Variants in ACSF3 observed in about 807,000 individuals in gnomAD.
The protein encoded by ACSF3 is acyl-CoA synthetase family member 3.
In ACSF3, 78 loss-of-function variants were observed where a neutral mutation model predicts 53.2. That is an observed-to-expected ratio of 1.47 (90% CI 1.22 to 1.77). The LOEUF (loss-of-function observed/expected upper bound fraction) is 1.77. ACSF3 is among the 40% of genes most tolerant of loss of function. ACSF3 has a pLI of 0.00. For synonymous variants in ACSF3, 414 were observed against 333.1 expected (o/e 1.24, Z -2.65); for missense variants, 937 against 771.1 (o/e 1.22, Z -2.55).
In ACSF3 at chr16:89,102,860, G is replaced by T; in HGVS notation, c.822+101G>T. On this transcript the variant is annotated intron_variant, in intron 4 of 10. Coordinates refer to ENST00000614302, the MANE Select transcript of ACSF3 (RefSeq NM_001243279.3). Reference sequence around the variant, plus strand: ...CGCGCCCTCAGCCTAAGCGCCTTTCGCTGGTTGGGGTCAGGGCTCTCGGCC... The same window carrying T: ...CGCGCCCTCAGCCTAAGCGCCTTTCTCTGGTTGGGGTCAGGGCTCTCGGCC... 2.0e-6 allele frequency: 3 copies of T among 1,516,662 alleles called. No homozygotes were observed. The Admixed American group carries it at 5.5e-5, about 28-fold the overall frequency. 94.0% of individuals were successfully genotyped at this position (1,516,662 alleles called of 1,614,324 possible).
chr16:89,103,185 G>A (rs1257488177), intron 4 of ACSF3, among the ~76,000 whole-genome samples: 2 of 152,260 alleles, frequency 1.3e-5, no homozygotes, highest in African/African-American at 2.4e-5. Flanking sequence ...CATTGAAACC[G>A]TGAATAGTGA....
chr16:89,102,865 T>C lies in ACSF3; in HGVS notation c.822+106T>C, dbSNP rs78898590. On this transcript the variant is annotated intron_variant, in intron 4 of 10. Coordinates refer to ENST00000614302, the MANE Select transcript of ACSF3 (RefSeq NM_001243279.3). ...CCTCAGCCTAAGCGCCTTTCGCTGG[T>C]TGGGGTCAGGGCTCTCGGCCGCGCC... 9,231 of 1,514,472 alleles carry C rather than the reference T, an allele frequency of 6.1e-3. 233 individuals are homozygous for C. Among genetic ancestry groups the C allele is most frequent in the East Asian group, 0.043 (1,863 of 43,284 alleles). 93.8% of individuals were successfully genotyped at this position (1,514,472 alleles called of 1,614,324 possible).
intron 5 of ACSF3, chr16:89,113,198 G>A (rs1904356981): frequency 6.6e-6 from 1 of 152,230 alleles, no homozygotes; most frequent in South Asian, 2.1e-4. Flanking sequence ...GTGGCGTGGA[G>A]GGTGCACTGC....
rs533576343 is a variant in ACSF3, at chr16:89,150,908, G to A, written c.1614-3182G>A. ...AGAAGAACAGGAAGGGAGGCAGGAG[G>A]AAGTAAGTTAGAGGATTAATCCAAA... On this transcript the variant is annotated intron_variant, in intron 10 of 10. Coordinates refer to ENST00000614302, the MANE Select transcript of ACSF3 (RefSeq NM_001243279.3). 3.8e-6 allele frequency: 4 copies of A among 1,052,062 alleles called. No individual in the cohort carries two copies. The South Asian group carries it at 6.1e-5, about 16-fold the overall frequency. The allele number at this position is 1,052,062 out of a possible 1,614,324, so 65.2% of individuals were successfully genotyped here. A position where few individuals can be genotyped will look rare whatever the true frequency, so the allele number is the denominator to read the frequency against.
rs777155632 is a variant in ACSF3 at position 89,101,107 on chromosome 16, G to C, written c.426G>C (p.Gln142His). 2 of 1,614,112 alleles carry C rather than the reference G, an allele frequency of 1.2e-6. No homozygotes were observed. The highest frequency in any genetic ancestry group is 1.7e-6 in the Non-Finnish European group (2 of 1,180,044). The change falls in exon 3 of 11, where the codon CAG becomes CAC. Residue 142 changes from glutamine to histidine, a missense_variant. Transcript: ENST00000614302. ...TGGAGTATGTCATCTGCGACTCCCAGAGCTCTGTGGTCCTTGCCAGCCAGG... is the reference window on the plus strand; with the variant it reads ...TGGAGTATGTCATCTGCGACTCCCACAGCTCTGTGGTCCTTGCCAGCCAGG... ...AQLEYVICDS[Q>H]SSVVLASQEY...
chr16:89,129,443 C>T (rs548779543), intron 7 of ACSF3, among the ~76,000 whole-genome samples: 29 of 152,184 alleles, frequency 1.9e-4, no homozygotes, highest in Middle Eastern at 3.4e-3. Context: ...TTTAATTTCT[C>T]GGTTGGAGTT....
intron 7 of ACSF3, among the ~76,000 whole-genome samples, chr16:89,128,321 C>T (rs1336398345): frequency 2.0e-5 from 3 of 151,392 alleles, no homozygotes; most frequent in Non-Finnish European, 4.4e-5. Context: ...AGTGCAATGG[C>T]ATGATCTTGG....
intron 7 of ACSF3, among the ~76,000 whole-genome samples, chr16:89,123,000 T>C (rs1907029460): frequency 1.3e-5 from 2 of 152,338 alleles, no homozygotes; most frequent in Middle Eastern, 3.4e-3. Context: ...GCGACAGGCA[T>C]GCAGGCAGAC....
intron 8 of ACSF3, 82 bp from the exon 9 acceptor site, chr16:89,145,185 G>A: frequency 6.2e-7 from 1 of 1,613,278 alleles, no homozygotes. Context: ...TTTAAGGACG[G>A]CCAGTTAACC....
chr16:89,131,283 A>C (rs1448524643), intron 7 of ACSF3, among the ~76,000 whole-genome samples: 1 of 148,628 alleles, frequency 6.7e-6, no homozygotes, highest in Non-Finnish European at 1.5e-5. Flanking sequence ...TGACCACCAC[A>C]CCTGGCTAGT....
chr16:89,098,388 G>A (rs1305682071), intron 1 of ACSF3, among the ~76,000 whole-genome samples: 1 of 152,204 alleles, frequency 6.6e-6, no homozygotes, highest in Admixed American at 6.5e-5. Flanking sequence ...CAGAGGGGGC[G>A]TGGTGTGTGG....
rs762126765 is a variant in ACSF3, at chr16:89,141,343, C to T, written c.1367-3924C>T. On this transcript the variant is annotated intron_variant, in intron 8 of 10. Transcript: ENST00000614302. ...GTCGACCCTCGGAGCTGAGACTGCTCTGTGCTGAGAAGCTAGAACAAAGCC... is the reference window on the plus strand; with the variant it reads ...GTCGACCCTCGGAGCTGAGACTGCTTTGTGCTGAGAAGCTAGAACAAAGCC... The T allele has an allele frequency of 5.8e-5, 73 of 1,262,846 alleles. No individual in the cohort carries two copies. The African/African-American group carries it at 1.0e-3, about 18-fold the overall frequency. The allele number at this position is 1,262,846 out of a possible 1,614,324, so 78.2% of individuals were successfully genotyped here. A position where few individuals can be genotyped will look rare whatever the true frequency, so the allele number is the denominator to read the frequency against.
At chr16:89,142,533 ACACACCCACACC>A (rs1567741166) in intron 8 of ACSF3, among the ~76,000 whole-genome samples, 94 of 81,738 alleles carry the variant, frequency 1.2e-3, no homozygotes, top group African/African-American at 5.3e-3. Context: ...ACACCTGCAG[ACACACCCACACC>A]TGCAGACACA....
At position 89,155,112 on chromosome 16, in the gene ACSF3, C is replaced by A. The variant is rs1164949415; in HGVS notation, c.*905C>A. 2.2e-6 allele frequency: 1 copy of A among 454,046 alleles called. No individual in the cohort carries two copies. Among genetic ancestry groups the A allele is most frequent in the African/African-American group, 2.0e-5 (1 of 50,018 alleles). 28.1% of individuals were successfully genotyped at this position (454,046 alleles called of 1,614,324 possible). A position where few individuals can be genotyped will look rare whatever the true frequency, so the allele number is the denominator to read the frequency against. ...GTGTTGTGAATGTTGGGTGCACCCA[C>A]GTTGCATTTACTTAGCGGGGCCAAT... On this transcript the variant is annotated 3_prime_UTR_variant, in exon 11 of 11. Transcript: ENST00000614302.
Position 89,120,844 on chromosome 16 carries a change from C to T in ACSF3, c.1170C>T (p.Val390=). The T allele has an allele frequency of 1.2e-6, 2 of 1,614,118 alleles. No individual in the cohort carries two copies. Among genetic ancestry groups the T allele is most frequent in the Non-Finnish European group, 1.7e-6 (2 of 1,180,008 alleles). The stretch of plus-strand genomic sequence containing the variant: ...TGCCTGGAGTACAGGTGCGCATTGT[C>T]TCAGAAAACCCACAGAGGGAAGCCT... ...TPLPGVQVRI[V]SENPQREACS... is the part of the protein sequence containing the mutation. The change falls in exon 7 of 11, where the codon GTC becomes GTT. Residue 390 remains valine (V), a synonymous_variant. Transcript: ENST00000614302.
intron 6 of ACSF3, 82 bp from the exon 7 acceptor site, chr16:89,120,719 G>A (rs1906425437): frequency 4.5e-6 from 6 of 1,343,300 alleles, no homozygotes; most frequent in East Asian, 2.3e-5. Context: ...GGAGCTCAGC[G>A]GGATCCGAGC....
rs138250151 is a variant in ACSF3, at chr16:89,109,612, G to A, written c.823-2480G>A. ...ATTTTTATAGAGACCAGGTTTCACC[G>A]TGTTGGCCAGGCTGGTCTTGAACTC... On this transcript the variant is annotated intron_variant, in intron 4 of 10. Coordinates refer to ENST00000614302, the MANE Select transcript of ACSF3 (RefSeq NM_001243279.3). 8.4e-3 allele frequency among the ~76,000 whole-genome samples: 1,281 copies of A among 151,982 alleles called. 17 individuals carry two copies. The highest frequency in any genetic ancestry group is 0.03 in the African/African-American group (1,239 of 41,468).
At chr16:89,101,614 G>T (rs1189051122) in intron 3 of ACSF3, among the ~76,000 whole-genome samples, 2 of 152,182 alleles carry the variant, frequency 1.3e-5, no homozygotes, top group Non-Finnish European at 1.5e-5. Flanking sequence ...GCGGCATGAG[G>T]TCAGAAGGGA....
In ACSF3 at chr16:89,145,792, A is replaced by G. The variant is rs4302032; in HGVS notation, c.1502-146A>G. The G allele has an allele frequency of 0.75, 588,643 of 785,860 alleles. 225,466 individuals carry two copies. Among genetic ancestry groups the G allele is most frequent in the Middle Eastern group, 0.82 (2,900 of 3,548 alleles). The allele number at this position is 785,860 out of a possible 1,614,324, so 48.7% of individuals were successfully genotyped here. ...CCTCCCCACAGGCCCAGCCAGCACC[A>G]GGACGAGTGATTGGAGTGGGGCCTG... On this transcript the variant is annotated intron_variant, in intron 9 of 10. Coordinates refer to ENST00000614302, the MANE Select transcript of ACSF3 (RefSeq NM_001243279.3).
Sources: gnomAD v4.1 joint callset for allele counts (sites outside exome capture counted in the v4.1 genomes callset) on GRCh38, gnomAD v4.1.1 for gene constraint, MANE v1.5 for transcripts, NCBI Gene and HGNC (gene_info 2026-07-23, HGNC 2026-07-21) for gene names.